FGD5: variants seen among roughly 807,000 people sequenced by gnomAD.
FGD5 encodes the protein FYVE, RhoGEF and PH domain-containing protein 5.
In FGD5, 28 loss-of-function variants were observed where a neutral mutation model predicts 133.4. That is an observed-to-expected ratio of 0.21 (90% CI 0.16 to 0.29). FGD5 has a LOEUF of 0.29. Among genes scored for constraint, FGD5 ranks in the 10% least tolerant of loss-of-function variants. The probability of loss-of-function intolerance (pLI) is 1.00; values close to 1 mark genes in which losing one functional copy is unlikely to be tolerated. For synonymous variants in FGD5, 810 were observed against 776.5 expected, an observed-to-expected ratio of 1.04 and a Z score of -0.72; for missense variants, 1,858 against 1,895.2, an observed-to-expected ratio of 0.98 and a Z score of 0.36.
intron 2 of FGD5, among the ~76,000 whole-genome samples, chr3:14,866,752 A>C (rs2037502044): frequency 6.6e-6 from 1 of 152,232 alleles, no homozygotes; most frequent in East Asian, 1.9e-4. Flanking sequence ...CAATCTGCCC[A>C]AGTTCAGCCG....
intron 18 of FGD5, among the ~76,000 whole-genome samples, chr3:14,929,095 C>T (rs1325637265): frequency 6.6e-6 from 1 of 152,180 alleles, no homozygotes; most frequent in East Asian, 1.9e-4. Context: ...CCTCTTGATC[C>T]TCAAACAGAT....
chr3:14,882,907 G>C (rs2037854704), intron 4 of FGD5, among the ~76,000 whole-genome samples: 1 of 152,114 alleles, frequency 6.6e-6, no homozygotes, highest in South Asian at 2.1e-4. Context: ...TCTATCCCTG[G>C]TTGCTAAGCT....
At chr3:14,909,627 T>A (rs576774459) in intron 10 of FGD5, among the ~76,000 whole-genome samples, 7 of 152,278 alleles carry the variant, frequency 4.6e-5, no homozygotes, top group African/African-American at 1.7e-4. Flanking sequence ...CTCAGGAAAT[T>A]TTATCTTTCA....
intron 4 of FGD5, among the ~76,000 whole-genome samples, chr3:14,894,133 G>A (rs1438274728): frequency 3.9e-5 from 6 of 151,954 alleles, no homozygotes; most frequent in African/African-American, 9.7e-5. Context: ...CCCACCTCTG[G>A]TAACCACCAG....
chr3:14,910,964 T>G (rs1278457639), intron 11 of FGD5, 35 bp downstream of exon 11: 5 of 1,593,310 alleles, frequency 3.1e-6, no homozygotes, highest in Admixed American at 3.5e-5. Flanking sequence ...GCTCAGGAAC[T>G]GCCAAGTTCT....
At chr3:14,926,612 T>C (rs772171206) in intron 18 of FGD5, among the ~76,000 whole-genome samples, 19 of 152,222 alleles carry the variant, frequency 1.2e-4, no homozygotes, top group Non-Finnish European at 2.5e-4. Flanking sequence ...TCCATTTCTT[T>C]TATAGGGTAA....
At chr3:14,895,068 C>T (rs2038107202) in intron 4 of FGD5, among the ~76,000 whole-genome samples, 2 of 152,010 alleles carry the variant, frequency 1.3e-5, no homozygotes, top group African/African-American at 4.8e-5. Flanking sequence ...GGCTTTTTTG[C>T]TATTTGAGTT....
chr3:14,868,613 C>T (rs4553962), intron 2 of FGD5, among the ~76,000 whole-genome samples: 14,158 of 152,218 alleles, frequency 0.093, 817 homozygotes, highest in East Asian at 0.3. Context: ...CCACTGCAAA[C>T]TCTTGCTTCT....
intron 1 of FGD5, chr3:14,811,458 C>G (rs1273892507): frequency 6.6e-6 from 1 of 152,222 alleles, no homozygotes; most frequent in Non-Finnish European, 1.5e-5. Flanking sequence ...CCCCCTATAG[C>G]GCACCCCTCC....
At chr3:14,878,929 G>A (rs1452655949) in intron 2 of FGD5, among the ~76,000 whole-genome samples, 1 of 151,964 alleles carries the variant, frequency 6.6e-6, no homozygotes, top group African/African-American at 2.4e-5. Context: ...GGCTGGTCTC[G>A]AACTCTTAAC....
At chr3:14,893,627 T>C (rs187439062) in intron 4 of FGD5, among the ~76,000 whole-genome samples, 5 of 152,286 alleles carry the variant, frequency 3.3e-5, no homozygotes, top group African/African-American at 1.2e-4. Flanking sequence ...GGATTATAGG[T>C]GTGAGCCACC....
chr3:14,904,794 A>T (rs1269303726), intron 9 of FGD5, among the ~76,000 whole-genome samples: 1 of 152,190 alleles, frequency 6.6e-6, no homozygotes, highest in Non-Finnish European at 1.5e-5. Context: ...ATTTCCATAC[A>T]TAACCATCTG....
intron 1 of FGD5, among the ~76,000 whole-genome samples, chr3:14,848,834 GC>G (rs913639591): frequency 6.6e-6 from 1 of 152,118 alleles, no homozygotes; most frequent in African/African-American, 2.4e-5. Context: ...AGGACCCTGG[GC>G]CCTGGCTGGT....
intron 18 of FGD5, among the ~76,000 whole-genome samples, chr3:14,929,746 T>G: frequency 6.6e-6 from 1 of 152,256 alleles, no homozygotes; most frequent in East Asian, 1.9e-4. Context: ...GTATCCTGTA[T>G]ACCAGGCTTT....
intron 11 of FGD5, among the ~76,000 whole-genome samples, chr3:14,911,959 G>C (rs1009205046): frequency 6.6e-6 from 1 of 151,812 alleles, no homozygotes; most frequent in Non-Finnish European, 1.5e-5. Flanking sequence ...AGGAAGGATG[G>C]GAGTTTGGCA....
In FGD5 at chr3:14,933,606, A is replaced by G. The variant is rs574075468; in HGVS notation, c.*439A>G. 43 of 185,706 alleles carry G rather than the reference A, an allele frequency of 2.3e-4. No homozygotes were observed. Among genetic ancestry groups the G allele is most frequent in the Admixed American group, 9.2e-4 (17 of 18,464 alleles). The allele number at this position is 185,706 out of a possible 1,614,324, so 11.5% of individuals were successfully genotyped here. On this transcript the variant is annotated 3_prime_UTR_variant, in exon 20 of 20. Transcript: ENST00000285046. ...TCAGGTGAAATGAGAAGCTATCAGT[A>G]ACAGCTACTCTCATCGAAAGCACTT...
intron 1 of FGD5, among the ~76,000 whole-genome samples, chr3:14,862,280 G>C (rs1379821104): frequency 6.6e-6 from 1 of 152,210 alleles, no homozygotes; most frequent in African/African-American, 2.4e-5. Context: ...CTCTCAGAAG[G>C]AGGGCAGGAC....
intron 4 of FGD5, among the ~76,000 whole-genome samples, chr3:14,890,338 G>A (rs574602813): frequency 9.5e-4 from 144 of 152,252 alleles, no homozygotes; most frequent in African/African-American, 3.2e-3. Flanking sequence ...TTTTACTCCT[G>A]GCTTTGGAAG....
At chr3:14,896,619 C>G (rs181259732) in intron 4 of FGD5, among the ~76,000 whole-genome samples, 1 of 152,062 alleles carries the variant, frequency 6.6e-6, no homozygotes, top group African/African-American at 2.4e-5. Context: ...TACAGGCATG[C>G]GCAACCACAC....
Sources: gnomAD v4.1 joint callset for allele counts (sites outside exome capture counted in the v4.1 genomes callset) on GRCh38, gnomAD v4.1.1 for gene constraint, MANE v1.5 for transcripts, NCBI Gene and HGNC (gene_info 2026-07-23, HGNC 2026-07-21) for gene names.